Variants in MACROD2 observed in about 807,000 individuals in gnomAD.
MACROD2 encodes mono-ADP ribosylhydrolase 2.
Under a neutral mutation model 70.4 loss-of-function variants are expected in MACROD2, and 36 were observed. The ratio of observed to expected loss-of-function variants is 0.51; its 90% CI spans 0.39 to 0.68. MACROD2 has a LOEUF of 0.68. Ranked by LOEUF, MACROD2 falls within the 30% of genes least tolerant of loss-of-function variation. MACROD2 has a pLI of 0.00. For missense variants in MACROD2, 496 were observed against 538.4 expected, an observed-to-expected ratio of 0.92 and a Z score of 0.78; for synonymous variants, 172 against 178.8, an observed-to-expected ratio of 0.96 and a Z score of 0.30.
chr20:14,553,432 A>G (rs949321155), intron 4 of MACROD2, among the ~76,000 whole-genome samples: 2 of 138,144 alleles, frequency 1.4e-5, no homozygotes, highest in African/African-American at 2.8e-5. Context: ...TTTTTTTAGT[A>G]AGTAGAAGAA....
chr20:15,375,913 C>T (rs1339682529), intron 6 of MACROD2, among the ~76,000 whole-genome samples: 1 of 152,068 alleles, frequency 6.6e-6, no homozygotes, highest in Non-Finnish European at 1.5e-5. Context: ...TGTCTTTTCC[C>T]AACGCCTGTT....
intron 6 of MACROD2, among the ~76,000 whole-genome samples, chr20:15,290,006 C>A (rs2077527455): frequency 6.6e-6 from 1 of 152,188 alleles, no homozygotes; most frequent in Non-Finnish European, 1.5e-5. Flanking sequence ...ATAACATTCC[C>A]TGAGCCAGGG....
At chr20:14,893,661 G>T (rs772672429) in intron 5 of MACROD2, 1 of 151,764 alleles carries the variant, frequency 6.6e-6, no homozygotes, top group Non-Finnish European at 1.5e-5. Context: ...TTGGTTACTA[G>T]CCAGTTTATA....
chr20:14,931,834 T>TA (rs112239172), intron 5 of MACROD2, among the ~76,000 whole-genome samples: 41,586 of 146,602 alleles, frequency 0.28, 6,125 homozygotes, highest in South Asian at 0.52. Flanking sequence ...CCCCATCTCT[T>TA]AAAAAAAAAA....
chr20:15,350,520 C>T (rs905762469), intron 6 of MACROD2, among the ~76,000 whole-genome samples: 11 of 152,032 alleles, frequency 7.2e-5, no homozygotes, highest in Non-Finnish European at 7.4e-5. Context: ...AATGCAAATT[C>T]GTGTTTACTC....
intron 6 of MACROD2, among the ~76,000 whole-genome samples, chr20:15,396,531 T>C (rs182961044): frequency 6.6e-6 from 1 of 152,320 alleles, no homozygotes; most frequent in African/African-American, 2.4e-5. Flanking sequence ...GACAATTAAA[T>C]ATTGCTTAGT....
chr20:15,315,502 C>A (rs1368192305), intron 6 of MACROD2, among the ~76,000 whole-genome samples: 1 of 152,152 alleles, frequency 6.6e-6, no homozygotes, highest in Non-Finnish European at 1.5e-5. Flanking sequence ...GCAGATTTCT[C>A]ATTCCATGGA....
At chr20:14,080,769 C>T (rs1209053434) in intron 2 of MACROD2, among the ~76,000 whole-genome samples, 2 of 151,890 alleles carry the variant, frequency 1.3e-5, no homozygotes, top group African/African-American at 4.8e-5. Context: ...ATTCTAGTTT[C>T]CTCTGATAGC....
intron 7 of MACROD2, among the ~76,000 whole-genome samples, chr20:15,470,671 C>G (rs769772761): frequency 1.3e-5 from 2 of 152,170 alleles, no homozygotes; most frequent in Non-Finnish European, 2.9e-5. Context: ...TGTGGTGGTC[C>G]AGGGCTGTTT....
chr20:14,591,183 C>A (rs940384002), intron 4 of MACROD2, among the ~76,000 whole-genome samples: 17 of 151,958 alleles, frequency 1.1e-4, no homozygotes, highest in African/African-American at 4.1e-4. Flanking sequence ...ATTTTTTGGG[C>A]TAAACTTTAT....
At chr20:15,485,558 A>G (rs2047153354) in intron 7 of MACROD2, among the ~76,000 whole-genome samples, 1 of 152,128 alleles carries the variant, frequency 6.6e-6, no homozygotes, top group African/African-American at 2.4e-5. Context: ...CTTGGTCCAG[A>G]GCTCATTGTT....
At chr20:14,437,511 T>C (rs1464311712) in intron 3 of MACROD2, among the ~76,000 whole-genome samples, 1 of 152,126 alleles carries the variant, frequency 6.6e-6, no homozygotes, top group African/African-American at 2.4e-5. Flanking sequence ...GGAGAATCAC[T>C]TGAACCAGGG....
chr20:14,797,097 A>G (rs2072518508), intron 5 of MACROD2, among the ~76,000 whole-genome samples: 1 of 151,924 alleles, frequency 6.6e-6, no homozygotes, highest in Admixed American at 6.6e-5. Context: ...ATTCATTATC[A>G]CAGTCTGTCC....
chr20:15,451,255 G>T (rs1447887559), intron 7 of MACROD2, among the ~76,000 whole-genome samples: 1 of 151,688 alleles, frequency 6.6e-6, no homozygotes, highest in Non-Finnish European at 1.5e-5. Context: ...AAGGATGGAA[G>T]GAACTCTTTC....
chr20:14,310,074 C>T (rs941906224), intron 3 of MACROD2, among the ~76,000 whole-genome samples: 26 of 152,108 alleles, frequency 1.7e-4, no homozygotes, highest in African/African-American at 6.0e-4. Flanking sequence ...TGAAAAAATT[C>T]AGATCCATGC....
chr20:14,410,574 T>C (rs2083738993), intron 3 of MACROD2, among the ~76,000 whole-genome samples: 1 of 152,148 alleles, frequency 6.6e-6, no homozygotes, highest in South Asian at 2.1e-4. Context: ...ATTTCATTGT[T>C]TTTTTGTGGC....
intron 6 of MACROD2, among the ~76,000 whole-genome samples, chr20:15,296,964 G>C (rs1369152890): frequency 2.0e-5 from 3 of 152,226 alleles, no homozygotes; most frequent in South Asian, 4.1e-4. Context: ...CGGTTGGGGA[G>C]ATTTTTCCCA....
At chr20:15,960,301 C>A (rs1282584109) in intron 12 of MACROD2, among the ~76,000 whole-genome samples, 2 of 152,106 alleles carry the variant, frequency 1.3e-5, no homozygotes, top group African/African-American at 4.8e-5. Context: ...ACCCTTTTTC[C>A]CAACTTGCCC....
At chr20:14,050,958 C>T (rs948472649) in intron 2 of MACROD2, among the ~76,000 whole-genome samples, 1 of 151,970 alleles carries the variant, frequency 6.6e-6, no homozygotes, top group African/African-American at 2.4e-5. Context: ...GGAGAAAAGA[C>T]GTAACTAAGT....
Sources: allele counts gnomAD v4.1 joint callset (sites outside exome capture counted in the v4.1 genomes callset), GRCh38; gene constraint gnomAD v4.1.1; transcripts MANE v1.5; gene names NCBI Gene and HGNC (gene_info 2026-07-23, HGNC 2026-07-21).